The following GLT1D1 variants were observed in gnomAD, a reference collection of about 807,000 sequenced individuals.
GLT1D1 encodes glycosyltransferase 1 domain-containing protein 1.
In GLT1D1, 21 loss-of-function variants were observed where a neutral mutation model predicts 28.7. The observed-to-expected ratio is 0.73, with a 90% confidence interval of 0.52 to 1.05. The LOEUF (loss-of-function observed/expected upper bound fraction) is 1.05. Ranked by LOEUF, GLT1D1 falls within the 50% of genes least tolerant of loss-of-function variation. GLT1D1 has a pLI of 0.00. For synonymous variants in GLT1D1, 147 were observed against 124.8 expected (o/e 1.18, Z -1.19); for missense variants, 343 against 330.6 (o/e 1.04, Z -0.29).
At chr12:128,876,146 G>T (rs1203748555) in intron 2 of GLT1D1, 84 bp downstream of exon 2, 4 of 1,243,172 alleles carry the variant, frequency 3.2e-6, no homozygotes, top group African/African-American at 1.5e-5. Flanking sequence ...ACGGGAAACA[G>T]TGTCTCCTTT....
At chr12:128,893,679 G>C (rs1869319845) in intron 3 of GLT1D1, among the ~76,000 whole-genome samples, 1 of 152,034 alleles carries the variant, frequency 6.6e-6, no homozygotes, top group Admixed American at 6.6e-5. Context: ...TCCACCTCCT[G>C]GGTTCAGGCG....
At chr12:128,904,767 G>T (rs1408833072) in intron 4 of GLT1D1, among the ~76,000 whole-genome samples, 1 of 151,328 alleles carries the variant, frequency 6.6e-6, no homozygotes, top group Non-Finnish European at 1.5e-5. Context: ...CCAAGTAGCT[G>T]GGATTACAGA....
intron 1 of GLT1D1, among the ~76,000 whole-genome samples, chr12:128,869,939 A>ATTTTTTTTTTT (rs35487977): frequency 1.6e-5 from 2 of 125,258 alleles, no homozygotes; most frequent in African/African-American, 5.8e-5. Flanking sequence ...TGTGTATTCT[A>ATTTTTTTTTTT]TTTTTTTTTT....
At chr12:128,890,797 G>A (rs1001765480) in intron 3 of GLT1D1, among the ~76,000 whole-genome samples, 5 of 152,076 alleles carry the variant, frequency 3.3e-5, no homozygotes, top group Admixed American at 6.6e-5. Context: ...TCAGGAGTTC[G>A]AGACCAGCCT....
chr12:128,923,936 C>CATTAAAT (rs1318859936), intron 4 of GLT1D1, among the ~76,000 whole-genome samples: 1 of 151,666 alleles, frequency 6.6e-6, no homozygotes, highest in African/African-American at 2.4e-5. Flanking sequence ...CATATTTTCT[C>CATTAAAT]ATTAAAAAAA....
chr12:128,861,936 G>A (rs775735275), intron 1 of GLT1D1, among the ~76,000 whole-genome samples: 1 of 152,218 alleles, frequency 6.6e-6, no homozygotes, highest in Non-Finnish European at 1.5e-5. Flanking sequence ...AAGTGTGAAT[G>A]CAGATGAAGT....
rs575286258 is a variant in GLT1D1 at position 128,886,010 on chromosome 12, C to T, written c.218-2629C>T. 2.0e-5 allele frequency among the ~76,000 whole-genome samples: 3 copies of T among 152,202 alleles called. No individual in the cohort carries two copies. The East Asian group carries it at 5.8e-4, about 29-fold the overall frequency. On this transcript the variant is annotated intron_variant, in intron 2 of 7. Coordinates refer to ENST00000281703, the MANE Select transcript of GLT1D1 (RefSeq NM_144669.3). Reference sequence around the variant, plus strand: ...AAGTAATTGAATCATGGAGGTGGGCCTTTCCTGTGCTGTTCTCATGACAGT... The same window carrying T: ...AAGTAATTGAATCATGGAGGTGGGCTTTTCCTGTGCTGTTCTCATGACAGT...
chr12:128,951,932 G>A (rs1876729061), intron 6 of GLT1D1, among the ~76,000 whole-genome samples: 1 of 152,182 alleles, frequency 6.6e-6, no homozygotes, highest in Non-Finnish European at 1.5e-5. Context: ...CTGCTGAACT[G>A]CGGTTTTCCT....
intron 4 of GLT1D1, chr12:128,930,588 C>G (rs1446424578): frequency 6.6e-6 from 1 of 152,190 alleles, no homozygotes; most frequent in Non-Finnish European, 1.5e-5. Flanking sequence ...TTAAAAAGAA[C>G]CCCTGCTGGA....
At chr12:128,889,042 G>A (rs1301697841) in intron 3 of GLT1D1, among the ~76,000 whole-genome samples, 1 of 152,168 alleles carries the variant, frequency 6.6e-6, no homozygotes, top group Admixed American at 6.5e-5. Context: ...TGCTTGGGAG[G>A]CTGAGGCAGG....
At chr12:128,903,307 C>A (rs573863563) in intron 4 of GLT1D1, among the ~76,000 whole-genome samples, 139 of 151,830 alleles carry the variant, frequency 9.2e-4, no homozygotes, top group Middle Eastern at 6.8e-3. Flanking sequence ...GGTCTGTCAT[C>A]CTGTTTTAGG....
At chr12:128,956,158 C>CAAAAAATAAAAAAAAAAAAAAAAA (rs1877261046) in intron 6 of GLT1D1, among the ~76,000 whole-genome samples, 1 of 7,476 alleles carries the variant, frequency 1.3e-4, no homozygotes, top group African/African-American at 3.9e-4. Flanking sequence ...GACTCCATCT[C>CAAAAAATAAAAAAAAAAAAAAAAA]AAAAAAAAAA....
At chr12:128,981,927 C>A (rs545298439) in intron 7 of GLT1D1, among the ~76,000 whole-genome samples, 1 of 152,292 alleles carries the variant, frequency 6.6e-6, no homozygotes, top group Non-Finnish European at 1.5e-5. Flanking sequence ...ACCCACGCCT[C>A]CCGTGTCAAG....
chr12:128,908,201 G>A (rs888781692), intron 4 of GLT1D1, among the ~76,000 whole-genome samples: 3 of 152,220 alleles, frequency 2.0e-5, no homozygotes, highest in East Asian at 1.9e-4. Flanking sequence ...GAGTCCCCGC[G>A]CCTGGCCGGA....
intron 4 of GLT1D1, among the ~76,000 whole-genome samples, chr12:128,903,395 C>T (rs1870506600): frequency 1.3e-5 from 2 of 151,718 alleles, no homozygotes; most frequent in South Asian, 4.2e-4. Flanking sequence ...GCCTCCTTCC[C>T]ATTGACCAAA....
At chr12:128,979,354 C>T (rs1277645989) in intron 7 of GLT1D1, among the ~76,000 whole-genome samples, 7 of 152,174 alleles carry the variant, frequency 4.6e-5, no homozygotes, top group East Asian at 1.9e-4. Context: ...CAGTCCCTCT[C>T]GGTGGCTGGG....
chr12:128,892,613 C>T (rs149573120), intron 3 of GLT1D1, among the ~76,000 whole-genome samples: 1 of 152,264 alleles, frequency 6.6e-6, no homozygotes, highest in East Asian at 1.9e-4. Context: ...AGGAAAGCTG[C>T]ATGGATCAGA....
chr12:128,926,699 T>G (rs1285064784), intron 4 of GLT1D1, among the ~76,000 whole-genome samples: 1 of 152,188 alleles, frequency 6.6e-6, no homozygotes, highest in East Asian at 1.9e-4. Context: ...ATCATAAAAA[T>G]AGCAAATAAT....
intron 2 of GLT1D1, among the ~76,000 whole-genome samples, chr12:128,880,887 A>G (rs1373461746): frequency 6.6e-6 from 1 of 152,094 alleles, no homozygotes; most frequent in African/African-American, 2.4e-5. Context: ...AAGTTTGCAA[A>G]AAAGATATAA....
Sources: allele counts gnomAD v4.1 joint callset (sites outside exome capture counted in the v4.1 genomes callset), GRCh38; gene constraint gnomAD v4.1.1; transcripts MANE v1.5; gene names NCBI Gene and HGNC (gene_info 2026-07-23, HGNC 2026-07-21).